The following LRRIQ1 variants were observed in gnomAD, a reference collection of about 807,000 sequenced individuals.
LRRIQ1 encodes the protein leucine rich repeats and IQ motif containing 1, also known as leucine-rich repeat- and IQ domain-containing protein 1.
LRRIQ1 carries 210 observed loss-of-function variants against 211.9 expected under a neutral mutation model. That is an observed-to-expected ratio of 0.99 (90% CI 0.89 to 1.11). The LOEUF (loss-of-function observed/expected upper bound fraction) is 1.11. LRRIQ1 is among the 50% of genes most tolerant of loss of function. The probability of loss-of-function intolerance (pLI) is 0.00; values close to 1 mark genes in which losing one functional copy is unlikely to be tolerated. For missense variants in LRRIQ1, 2,136 were observed against 1,939.5 expected (o/e 1.10, Z -1.90); for synonymous variants, 699 against 650.1 (o/e 1.08, Z -1.14).
intron 11 of LRRIQ1, among the ~76,000 whole-genome samples, chr12:85,083,323 G>A (rs1884487170): frequency 6.6e-6 from 1 of 152,018 alleles, no homozygotes; most frequent in African/African-American, 2.4e-5. Context: ...TACTTTCATA[G>A]CAGCTCTTTT....
intron 24 of LRRIQ1, among the ~76,000 whole-genome samples, chr12:85,192,053 C>T (rs754500984): frequency 6.6e-6 from 1 of 151,444 alleles, no homozygotes; most frequent in Non-Finnish European, 1.5e-5. Flanking sequence ...AGGTAAATTG[C>T]GTGTCACGGG....
chr12:85,179,040 A>C (rs1464959145), intron 24 of LRRIQ1, among the ~76,000 whole-genome samples: 2 of 151,908 alleles, frequency 1.3e-5, no homozygotes, highest in East Asian at 3.9e-4. Context: ...AGAATACCTA[A>C]TTCTGTTATG....
intron 24 of LRRIQ1, among the ~76,000 whole-genome samples, chr12:85,189,230 A>C (rs901436740): frequency 6.6e-6 from 1 of 152,128 alleles, no homozygotes; most frequent in African/African-American, 2.4e-5. Flanking sequence ...GAAATGAAGA[A>C]AAGAGCAAAT....
intron 15 of LRRIQ1, among the ~76,000 whole-genome samples, chr12:85,108,423 C>T (rs1015398059): frequency 4.6e-5 from 7 of 152,050 alleles, no homozygotes; most frequent in African/African-American, 1.7e-4. Context: ...CCACTGTGCC[C>T]GGTCTTCTAT....
chr12:85,106,975 CT>C (rs1886828024), intron 15 of LRRIQ1, among the ~76,000 whole-genome samples: 1 of 151,784 alleles, frequency 6.6e-6, no homozygotes, highest in African/African-American at 2.4e-5. Context: ...AAATTGTTTC[CT>C]TTTTGAGAGT....
intron 26 of LRRIQ1, among the ~76,000 whole-genome samples, chr12:85,235,232 A>C (rs1895121945): frequency 6.6e-6 from 1 of 152,210 alleles, no homozygotes; most frequent in Non-Finnish European, 1.5e-5. Context: ...AAGTCACGTC[A>C]AATATATAGA....
At position 85,244,996 on chromosome 12, in the gene LRRIQ1, G is replaced by A. The variant is rs1231499647; in HGVS notation, c.*55G>A. 1 of 1,586,416 alleles carries A rather than the reference G, an allele frequency of 6.3e-7. No homozygotes were observed. The highest frequency in any genetic ancestry group is 2.3e-5 in the East Asian group (1 of 43,482). ...GCCAACAAGCATTCTTTTTCAGATA[G>A]GGGGTAGGATGCCAGCAACCTGAAC... On this transcript the variant is annotated 3_prime_UTR_variant, in exon 27 of 27. Transcript: ENST00000393217.
At chr12:85,172,324 A>G (rs564349204) in intron 24 of LRRIQ1, among the ~76,000 whole-genome samples, 1 of 152,336 alleles carries the variant, frequency 6.6e-6, no homozygotes, top group South Asian at 2.1e-4. Context: ...TCAGAGAATT[A>G]CTACAACATC....
intron 18 of LRRIQ1, among the ~76,000 whole-genome samples, chr12:85,133,619 G>A (rs577995147): frequency 6.6e-6 from 1 of 152,250 alleles, no homozygotes; most frequent in East Asian, 1.9e-4. Context: ...GGGGTAGACG[G>A]AGTGGATATG....
At position 85,172,660 on chromosome 12, in the gene LRRIQ1, A is replaced by G. The variant is rs116729549; in HGVS notation, c.4822+11946A>G. On this transcript the variant is annotated intron_variant, in intron 24 of 26. Coordinates refer to ENST00000393217, the MANE Select transcript of LRRIQ1 (RefSeq NM_001079910.2). The stretch of plus-strand genomic sequence containing the variant: ...GGAATATTAGGAAGGGGCAACAGCA[A>G]TAGAACTTTTTAGGCTAGAAAGTAA... Among the ~76,000 whole-genome samples the G allele has an allele frequency of 2.7e-3, 417 of 152,296 alleles. 2 individuals are homozygous for G. The highest frequency in any genetic ancestry group is 9.5e-3 in the African/African-American group (396 of 41,580).
intron 1 of LRRIQ1, among the ~76,000 whole-genome samples, chr12:85,250,797 TTATA>T (rs1376991491): frequency 8.2e-6 from 1 of 122,362 alleles, no homozygotes; most frequent in Non-Finnish European, 1.6e-5. Flanking sequence ...ATATTATAGA[TTATA>T]TATTATATTA....
intron 5 of LRRIQ1, among the ~76,000 whole-genome samples, chr12:85,046,428 A>T (rs1879594907): frequency 6.6e-6 from 1 of 152,084 alleles, no homozygotes; most frequent in Admixed American, 6.6e-5. Flanking sequence ...ACACACATAC[A>T]CACACACACT....
rs1896353820 is a variant in LRRIQ1 at position 85,263,498 on chromosome 12, ATAAAT to A, written c.*442_*446del. On this transcript the variant is annotated 3_prime_UTR_variant, in exon 2 of 2. Transcript: ENST00000602731. ...ATTATCGTACTTGAGTATTTCAAAG[ATAAAT>A]TAATACATGGAATAACTGAAAATAA... 2.6e-5 allele frequency: 4 copies of A among 152,138 alleles called. No individual in the cohort carries two copies. In the South Asian group the frequency reaches 8.3e-4, roughly 31 times the overall value. The allele number at this position is 152,138 out of a possible 1,614,324, so 9.4% of individuals were successfully genotyped here.
At chr12:85,170,435 A>G (rs1244699660) in intron 24 of LRRIQ1, among the ~76,000 whole-genome samples, 3 of 150,990 alleles carry the variant, frequency 2.0e-5, no homozygotes. Flanking sequence ...CTATGCATAT[A>G]CAAAAAATTG....
At chr12:85,043,612 C>A (rs1259195514) in intron 3 of LRRIQ1, among the ~76,000 whole-genome samples, 2 of 152,090 alleles carry the variant, frequency 1.3e-5, no homozygotes, top group Middle Eastern at 3.4e-3. Context: ...ATATGTATAC[C>A]AGTAGGTGTG....
intron 26 of LRRIQ1, among the ~76,000 whole-genome samples, chr12:85,241,565 A>G (rs1435003917): frequency 5.9e-5 from 9 of 151,968 alleles, no homozygotes; most frequent in Non-Finnish European, 1.2e-4. Context: ...CTAAATCTAG[A>G]TCTCACATAT....
At chr12:85,232,946 A>G (rs1895016511) in intron 26 of LRRIQ1, 190 bp downstream of exon 26, 4 of 500,824 alleles carry the variant, frequency 8.0e-6, no homozygotes, top group African/African-American at 4.0e-5. Context: ...AAAATGTGAC[A>G]TTGCTTAAAA....
chr12:85,145,440 G>T (rs1889825910), intron 19 of LRRIQ1, among the ~76,000 whole-genome samples: 2 of 151,588 alleles, frequency 1.3e-5, no homozygotes, highest in African/African-American at 2.4e-5. Context: ...TTTTAGTTTT[G>T]TTAAGTATAG....
intron 8 of LRRIQ1, among the ~76,000 whole-genome samples, chr12:85,063,615 A>G (rs1359621885): frequency 6.6e-6 from 1 of 151,688 alleles, no homozygotes; most frequent in Non-Finnish European, 1.5e-5. Flanking sequence ...CTATTGTGCT[A>G]TCAAATACTA....
Sources: allele counts gnomAD v4.1 joint callset (sites outside exome capture counted in the v4.1 genomes callset), GRCh38; gene constraint gnomAD v4.1.1; transcripts MANE v1.5; gene names NCBI Gene and HGNC (gene_info 2026-07-23, HGNC 2026-07-21).